FAM120A: variants seen among roughly 807,000 people sequenced by gnomAD.
FAM120A encodes the protein family with sequence similarity 120 member A, also known as constitutive coactivator of PPAR-gamma-like protein 1.
Under a neutral mutation model 109.7 loss-of-function variants are expected in FAM120A, and 15 were observed. The ratio of observed to expected loss-of-function variants is 0.14; its 90% CI spans 0.09 to 0.21. The LOEUF is 0.21. FAM120A is among the 10% of genes least tolerant of loss of function. The probability of loss-of-function intolerance (pLI) is 1.00; values close to 1 mark genes in which losing one functional copy is unlikely to be tolerated. For missense variants in FAM120A, 899 were observed against 1,439.3 expected, an observed-to-expected ratio of 0.62 and a Z score of 6.07; for synonymous variants, 493 against 572.8, an observed-to-expected ratio of 0.86 and a Z score of 1.99.
chr9:93,478,060 G>T (rs1858623161), intron 3 of FAM120A, among the ~76,000 whole-genome samples: 1 of 152,174 alleles, frequency 6.6e-6, no homozygotes, highest in African/African-American at 2.4e-5. Flanking sequence ...CCATGAAAAT[G>T]TCAGCTTGCT....
rs547135346 is a variant in FAM120A at position 93,523,598 on chromosome 9, C to T, written c.1419-3557C>T. 5.9e-5 allele frequency among the ~76,000 whole-genome samples: 9 copies of T among 152,270 alleles called. No homozygotes were observed. In the South Asian group the frequency reaches 1.5e-3, roughly 25 times the overall value. Reference sequence around the variant, plus strand: ...CATCCACTAATCTGTGTAGACATTTCGTATTGATCTTAAGACAAACGTGTT... The same window carrying T: ...CATCCACTAATCTGTGTAGACATTTTGTATTGATCTTAAGACAAACGTGTT... On this transcript the variant is annotated intron_variant, in intron 7 of 17. Coordinates refer to ENST00000277165, the MANE Select transcript of FAM120A (RefSeq NM_014612.5).
In FAM120A at chr9:93,452,548, G is replaced by C; in HGVS notation, c.474+159G>C. 3 of 1,579,140 alleles carry C rather than the reference G, an allele frequency of 1.9e-6. No homozygotes were observed. The highest frequency in any genetic ancestry group is 2.6e-6 in the Non-Finnish European group (3 of 1,169,174). On this transcript the variant is annotated intron_variant, in intron 1 of 17. Transcript: ENST00000277165. The surrounding 1 kb of genome is among the most constrained non-coding windows in gnomAD (Gnocchi z 7.0). ...GCCTGGCCGGGCCGGGCTGCAAGAT[G>C]GATGGCCGCGGGTGCAGGCCGCGCG...
intron 11 of FAM120A, 116 bp from the exon 12 acceptor site, chr9:93,550,461 C>A: frequency 1.4e-6 from 1 of 699,168 alleles, no homozygotes; most frequent in Non-Finnish European, 2.6e-6. Context: ...TAAGAAATCA[C>A]ATGGGTCTTC....
At chr9:93,513,861 G>A (rs1371185829) in intron 5 of FAM120A, among the ~76,000 whole-genome samples, 2 of 152,212 alleles carry the variant, frequency 1.3e-5, no homozygotes, top group Non-Finnish European at 2.9e-5. Context: ...TGTGAATGCA[G>A]CCATGGACAT....
intron 1 of FAM120A, among the ~76,000 whole-genome samples, chr9:93,461,926 C>G (rs564894069): frequency 6.6e-6 from 1 of 152,304 alleles, no homozygotes; most frequent in South Asian, 2.1e-4. Context: ...TTAAGTGTTT[C>G]AGTAAAGGAC....
intron 17 of FAM120A, 22 bp downstream of exon 17, chr9:93,562,326 T>C: frequency 6.3e-7 from 1 of 1,593,750 alleles, no homozygotes; most frequent in Admixed American, 1.7e-5. Flanking sequence ...ACATGATGTT[T>C]GTGCCAGTTC....
rs1367882489 is a variant in FAM120A at position 93,498,800 on chromosome 9, A to T, written c.944A>T (p.Asp315Val). 6.2e-7 allele frequency: 1 copy of T among 1,608,308 alleles called. No individual in the cohort carries two copies. The highest frequency in any genetic ancestry group is 8.5e-7 in the Non-Finnish European group (1 of 1,174,708). ...CTGCCTTTATTTCAGTCTAGAACAG[A>T]TGACAAAGTTATTCGATTTAAGAGA... ...DVFQHSQSRT[D>V]DKVIRFKRAI... Residue 315 changes from aspartate (D) to valine (V), a missense_variant, in exon 5 of 18, where the codon GAT (aspartate) becomes GTT (valine). By Grantham distance (152) the Asp-to-Val change is radical. Around this residue, in one of 11 missense-constraint regions of FAM120A, gnomAD observed 258 missense variants for 451.4 expected, o/e 0.57. Transcript: ENST00000277165. The surrounding 1 kb of genome is among the most constrained non-coding windows in gnomAD (Gnocchi z 4.4).
chr9:93,541,217 A>T (rs904128491), intron 10 of FAM120A, among the ~76,000 whole-genome samples: 4 of 152,150 alleles, frequency 2.6e-5, no homozygotes, highest in African/African-American at 7.2e-5. Context: ...GCAACATAGC[A>T]TATTGGCGAA....
chr9:93,458,229 A>G (rs1857638913), intron 1 of FAM120A, among the ~76,000 whole-genome samples: 1 of 151,744 alleles, frequency 6.6e-6, no homozygotes, highest in Non-Finnish European at 1.5e-5. Flanking sequence ...CTTGGACCGT[A>G]TAATTAGTGA....
At chr9:93,508,697 A>T (rs747526834) in intron 5 of FAM120A, among the ~76,000 whole-genome samples, 7 of 152,146 alleles carry the variant, frequency 4.6e-5, no homozygotes, top group Non-Finnish European at 1.0e-4. Flanking sequence ...GCATCACTCC[A>T]TCCTGACTGA....
chr9:93,478,302 C>A (rs1230569321), intron 3 of FAM120A, among the ~76,000 whole-genome samples: 1 of 147,434 alleles, frequency 6.8e-6, no homozygotes, highest in Non-Finnish European at 1.5e-5. Flanking sequence ...TGATCGAGAT[C>A]CAGTCAAGCT....
intron 5 of FAM120A, among the ~76,000 whole-genome samples, chr9:93,510,435 G>A (rs1261539022): frequency 2.6e-5 from 4 of 152,186 alleles, no homozygotes; most frequent in African/African-American, 9.7e-5. Context: ...TTTGTTAATG[G>A]CGTTTCAATA....
At chr9:93,478,270 C>T (rs1858634297) in intron 3 of FAM120A, among the ~76,000 whole-genome samples, 1 of 146,828 alleles carries the variant, frequency 6.8e-6, no homozygotes, top group Non-Finnish European at 1.5e-5. Flanking sequence ...TTTTCAGAGT[C>T]ATTTATAGGT....
chr9:93,564,038 T>TGGAGG (rs1165841275), intron 17 of FAM120A, among the ~76,000 whole-genome samples, 191 bp from the exon 18 acceptor site: 1 of 152,186 alleles, frequency 6.6e-6, no homozygotes, highest in Non-Finnish European at 1.5e-5. Context: ...GAAGGGGCCA[T>TGGAGG]GGAGGGAACT....
At chr9:93,495,665 G>C (rs904943027) in intron 3 of FAM120A, among the ~76,000 whole-genome samples, 1 of 152,190 alleles carries the variant, frequency 6.6e-6, no homozygotes, top group Non-Finnish European at 1.5e-5. Context: ...GATCGCTTGA[G>C]TCTACAGCGA....
At position 93,532,619 on chromosome 9, in the gene FAM120A, G is replaced by A. The variant is rs1004501340; in HGVS notation, c.1909+290G>A. On this transcript the variant is annotated intron_variant, in intron 10 of 17. Transcript: ENST00000277165. The surrounding 1 kb of genome is among the most constrained non-coding windows in gnomAD (Gnocchi z 4.3). ...GATCTGAAAGCAGACTTGAATTGCCGCCACTCTCTGTAATTACCACGTCTT... is the reference window on the plus strand; with the variant it reads ...GATCTGAAAGCAGACTTGAATTGCCACCACTCTCTGTAATTACCACGTCTT... 9 of 373,258 alleles carry A rather than the reference G, an allele frequency of 2.4e-5. No homozygotes were observed. The highest frequency in any genetic ancestry group is 6.2e-5 in the African/African-American group (3 of 48,200). 23.1% of individuals were successfully genotyped at this position (373,258 alleles called of 1,614,324 possible).
intron 3 of FAM120A, among the ~76,000 whole-genome samples, chr9:93,485,922 T>TATAG (rs1343454735): frequency 6.6e-6 from 1 of 152,202 alleles, no homozygotes; most frequent in African/African-American, 2.4e-5. Context: ...TTTCACTGAG[T>TATAG]ATAGTACTTT....
Position 93,457,803 on chromosome 9 carries a change from T to C in FAM120A, c.474+5414T>C, listed in dbSNP as rs373311943. Among the ~76,000 whole-genome samples the C allele has an allele frequency of 9.0e-3, 607 of 67,692 alleles. 3 individuals carry two copies. The highest frequency in any genetic ancestry group is 0.019 in the African/African-American group (565 of 30,088). 44.4% of individuals were successfully genotyped at this position (67,692 alleles called of 152,430 possible). A position where few individuals can be genotyped will look rare whatever the true frequency, so the allele number is the denominator to read the frequency against. On this transcript the variant is annotated intron_variant, in intron 1 of 17. Transcript: ENST00000277165. Reference sequence around the variant, plus strand: ...TATCATGGTCATCTAAATCTCTTCCTTTTTTTTTTTTTTACTTTAAAATTA... The same window carrying C: ...TATCATGGTCATCTAAATCTCTTCCCTTTTTTTTTTTTTACTTTAAAATTA...
chr9:93,495,915 C>G (rs1859556727), intron 3 of FAM120A, among the ~76,000 whole-genome samples: 1 of 152,242 alleles, frequency 6.6e-6, no homozygotes, highest in Non-Finnish European at 1.5e-5. Flanking sequence ...AACCCTGCCA[C>G]TGCTTTATCA....
Sources: allele counts gnomAD v4.1 joint callset (sites outside exome capture counted in the v4.1 genomes callset), GRCh38; gene constraint gnomAD v4.1.1; regional missense constraint gnomAD v4.1.1; non-coding constraint Gnocchi (gnomAD v3.1); transcripts MANE v1.5; gene names NCBI Gene and HGNC (gene_info 2026-07-23, HGNC 2026-07-21).